Variants in TNFRSF19 observed in about 807,000 individuals in gnomAD.
TNFRSF19 encodes TNF receptor superfamily member 19.
Under a neutral mutation model 46.4 loss-of-function variants are expected in TNFRSF19, and 27 were observed. The observed-to-expected ratio is 0.58, with a 90% CI of 0.43 to 0.80. The LOEUF (loss-of-function observed/expected upper bound fraction) is 0.80. Among genes scored for constraint, TNFRSF19 ranks in the 30% least tolerant of loss-of-function variants. The pLI is 0.00. For missense variants in TNFRSF19, 511 were observed against 530.8 expected, an observed-to-expected ratio of 0.96 and a Z score of 0.37; for synonymous variants, 204 against 205.0, an observed-to-expected ratio of 1.00 and a Z score of 0.04.
At chr13:23,606,318 T>TTTC (rs1491217785) in intron 3 of TNFRSF19, among the ~76,000 whole-genome samples, 3 of 151,704 alleles carry the variant, frequency 2.0e-5, no homozygotes, top group African/African-American at 7.3e-5. Flanking sequence ...TATGTACTTA[T>TTTC]TTCATTTGTT....
At chr13:23,591,314 G>T (rs1392361378) in intron 2 of TNFRSF19, among the ~76,000 whole-genome samples, 5 of 152,234 alleles carry the variant, frequency 3.3e-5, no homozygotes, top group Middle Eastern at 3.4e-3. Flanking sequence ...TTACCTGGGT[G>T]TGGTGATGCA....
At chr13:23,617,427 C>T (rs983743453) in intron 4 of TNFRSF19, among the ~76,000 whole-genome samples, 1 of 152,054 alleles carries the variant, frequency 6.6e-6, no homozygotes, top group Non-Finnish European at 1.5e-5. Flanking sequence ...TGGATTAATA[C>T]AGACAGCTGG....
chr13:23,586,892 G>A (rs7336862), intron 1 of TNFRSF19, among the ~76,000 whole-genome samples: 100,364 of 151,854 alleles, frequency 0.66, 33,837 homozygotes, highest in African/African-American at 0.78. Flanking sequence ...TGTGGAATAC[G>A]GTAAACCAGG....
At chr13:23,611,137 C>CAT (rs1398068101) in intron 3 of TNFRSF19, among the ~76,000 whole-genome samples, 1 of 149,782 alleles carries the variant, frequency 6.7e-6, no homozygotes, top group Non-Finnish European at 1.5e-5. Flanking sequence ...CACACACACA[C>CAT]ACACACACAC....
intron 5 of TNFRSF19, among the ~76,000 whole-genome samples, chr13:23,642,442 CA>C (rs1883084652): frequency 6.6e-6 from 1 of 152,142 alleles, no homozygotes; most frequent in Non-Finnish European, 1.5e-5. Flanking sequence ...TCAGGTCTCA[CA>C]AAAATCCTGT....
chr13:23,634,052 T>G (rs1036211498), intron 5 of TNFRSF19, among the ~76,000 whole-genome samples: 1 of 152,228 alleles, frequency 6.6e-6, no homozygotes, highest in African/African-American at 2.4e-5. Flanking sequence ...CAGAAAATTC[T>G]TTAAAAAGTT....
chr13:23,660,582 G>A (rs193044987), intron 7 of TNFRSF19, 92 bp downstream of exon 7: 8 of 1,431,536 alleles, frequency 5.6e-6, no homozygotes, highest in Middle Eastern at 2.6e-4. Flanking sequence ...ACCTCACAGC[G>A]AGGTGGCTGT....
intron 5 of TNFRSF19, among the ~76,000 whole-genome samples, chr13:23,633,457 C>A (rs1434871155): frequency 3.3e-5 from 5 of 152,130 alleles, no homozygotes; most frequent in Admixed American, 3.3e-4. Flanking sequence ...CAGAAATGAC[C>A]CTCTCAAGGT....
chr13:23,648,957 T>C (rs1309537249), intron 5 of TNFRSF19, among the ~76,000 whole-genome samples: 1 of 152,220 alleles, frequency 6.6e-6, no homozygotes, highest in Non-Finnish European at 1.5e-5. Context: ...TCTTTTAATA[T>C]GCTGCTGAAT....
intron 1 of TNFRSF19, among the ~76,000 whole-genome samples, chr13:23,571,552 T>A (rs1258890980): frequency 6.6e-6 from 1 of 152,238 alleles, no homozygotes; most frequent in Non-Finnish European, 1.5e-5. Context: ...AAGGTTAATA[T>A]TCCTAAATTA....
intron 2 of TNFRSF19, among the ~76,000 whole-genome samples, chr13:23,591,640 C>T (rs193022696): frequency 6.6e-6 from 1 of 151,524 alleles, no homozygotes; most frequent in East Asian, 1.9e-4. Flanking sequence ...GCTCCTACCC[C>T]TTATAAATAA....
chr13:23,637,505 C>CAG (rs1882764041), intron 5 of TNFRSF19, among the ~76,000 whole-genome samples: 1 of 152,214 alleles, frequency 6.6e-6, no homozygotes, highest in South Asian at 2.1e-4. Context: ...GAGTTTTGTG[C>CAG]TTTGCCGTAA....
chr13:23,593,506 C>A (rs750331042), intron 3 of TNFRSF19, 51 bp downstream of exon 3: 3 of 1,199,108 alleles, frequency 2.5e-6, no homozygotes, highest in African/African-American at 1.5e-5. Flanking sequence ...AAAATGCATT[C>A]GTCTTAACTC....
At chr13:23,612,005 C>T (rs540677957) in intron 3 of TNFRSF19, among the ~76,000 whole-genome samples, 1 of 152,252 alleles carries the variant, frequency 6.6e-6, no homozygotes, top group East Asian at 1.9e-4. Context: ...TGGCAGGTCA[C>T]CCCAATACCT....
chr13:23,661,210 T>C (rs189377619), intron 7 of TNFRSF19, among the ~76,000 whole-genome samples: 16 of 152,310 alleles, frequency 1.1e-4, no homozygotes, highest in African/African-American at 3.4e-4. Flanking sequence ...CACCCTCAAG[T>C]AGACCCCATT....
chr13:23,634,312 G>T (rs1882543643), intron 5 of TNFRSF19, among the ~76,000 whole-genome samples: 1 of 152,156 alleles, frequency 6.6e-6, no homozygotes. Context: ...GGCCTTCTGA[G>T]AACAGTAGCA....
At chr13:23,584,203 G>A (rs184969200) in intron 1 of TNFRSF19, among the ~76,000 whole-genome samples, 15 of 152,144 alleles carry the variant, frequency 9.9e-5, no homozygotes, top group African/African-American at 3.6e-4. Context: ...AACCCGATTT[G>A]TAGCCTTTTA....
chr13:23,579,193 G>C (rs934856274), intron 1 of TNFRSF19, among the ~76,000 whole-genome samples: 1 of 152,226 alleles, frequency 6.6e-6, no homozygotes, highest in African/African-American at 2.4e-5. Context: ...CGGAGTGGGG[G>C]CCTCCAAAGA....
chr13:23,666,539 GCTGGCT>G, intron 7 of TNFRSF19, among the ~76,000 whole-genome samples: 1 of 152,068 alleles, frequency 6.6e-6, no homozygotes, highest in African/African-American at 2.4e-5. Flanking sequence ...CTCCCTTCAG[GCTGGCT>G]CATGTGCCAT....
Sources: allele counts gnomAD v4.1 joint callset (sites outside exome capture counted in the v4.1 genomes callset), GRCh38; gene constraint gnomAD v4.1.1; transcripts MANE v1.5; gene names NCBI Gene and HGNC (gene_info 2026-07-23, HGNC 2026-07-21).